GRIK1: variants seen among roughly 807,000 people sequenced by gnomAD.
GRIK1 encodes glutamate ionotropic receptor kainate type subunit 1, also known as glutamate receptor ionotropic, kainate 1.
In GRIK1, 69 loss-of-function variants were observed where a neutral mutation model predicts 105.7. The observed-to-expected ratio is 0.65, with a 90% CI of 0.54 to 0.80. GRIK1 has a LOEUF of 0.80. Among genes scored for constraint, GRIK1 ranks in the 30% least tolerant of loss-of-function variants. The pLI is 0.00. For missense variants in GRIK1, 1,109 were observed against 1,167.3 expected, an observed-to-expected ratio of 0.95 and a Z score of 0.73; for synonymous variants, 438 against 431.3, an observed-to-expected ratio of 1.02 and a Z score of -0.19.
chr21:29,883,249 T>C (rs1285318258), intron 1 of GRIK1, among the ~76,000 whole-genome samples: 1 of 152,152 alleles, frequency 6.6e-6, no homozygotes, highest in Non-Finnish European at 1.5e-5. Flanking sequence ...AGCAACCATT[T>C]AAATTTACTT....
chr21:29,919,500 C>T (rs79832012), intron 1 of GRIK1, among the ~76,000 whole-genome samples: 142 of 152,280 alleles, frequency 9.3e-4, no homozygotes, highest in African/African-American at 3.2e-3. Flanking sequence ...CACACACCTA[C>T]ATAACTTGTT....
chr21:29,777,083 T>C lies in GRIK1; in HGVS notation c.119-83020A>G, dbSNP rs1267798651. Among the ~76,000 whole-genome samples, 4 of 152,080 alleles carry C rather than the reference T, an allele frequency of 2.6e-5. No individual in the cohort carries two copies. The East Asian group carries it at 7.7e-4, about 29-fold the overall frequency. On this transcript the variant is annotated intron_variant, in intron 1 of 17. Coordinates refer to ENST00000327783, the MANE Select transcript of GRIK1 (RefSeq NM_001330994.2). The stretch of plus-strand genomic sequence containing the variant: ...ATATTGGGAAACTTAAAAACATAAG[T>C]AACAAGAATCCAATTCTCAGGCCCC...
At chr21:29,841,137 T>TAC (rs1416438759) in intron 1 of GRIK1, among the ~76,000 whole-genome samples, 1 of 152,168 alleles carries the variant, frequency 6.6e-6, no homozygotes, top group Non-Finnish European at 1.5e-5. Context: ...TTGTATAGTG[T>TAC]ACACACACAC....
chr21:29,618,415 C>T (rs148410381), intron 7 of GRIK1, among the ~76,000 whole-genome samples: 3,266 of 152,254 alleles, frequency 0.021, 55 homozygotes, highest in Non-Finnish European at 0.036. Context: ...CTGGTGGGAA[C>T]GTAAACTAGT....
At chr21:29,825,752 T>C (rs1275820376) in intron 1 of GRIK1, among the ~76,000 whole-genome samples, 1 of 152,076 alleles carries the variant, frequency 6.6e-6, no homozygotes, top group African/African-American at 2.4e-5. Flanking sequence ...CTTTGAGAAA[T>C]ATGTTTTCTA....
intron 13 of GRIK1, among the ~76,000 whole-genome samples, chr21:29,580,607 T>G (rs1353107692): frequency 1.3e-5 from 2 of 152,188 alleles, no homozygotes; most frequent in East Asian, 1.9e-4. Context: ...TATATCCCAG[T>G]GGAATTTTCC....
intron 8 of GRIK1, chr21:29,597,718 T>C (rs1266678073): frequency 2.4e-6 from 1 of 421,772 alleles, no homozygotes; most frequent in African/African-American, 2.1e-5. Context: ...ATGTATAATG[T>C]GTACTCTCAA....
intron 16 of GRIK1, among the ~76,000 whole-genome samples, chr21:29,544,121 C>G (rs1015268192): frequency 6.6e-6 from 1 of 152,154 alleles, no homozygotes; most frequent in African/African-American, 2.4e-5. Context: ...TAAATGAGCT[C>G]TTTAAACCAT....
At chr21:29,646,061 A>G (rs56168791) in intron 6 of GRIK1, among the ~76,000 whole-genome samples, 4,213 of 152,304 alleles carry the variant, frequency 0.028, 51 homozygotes, top group East Asian at 0.063. Context: ...GAATATCCCA[A>G]TAAGAGTGTC....
intron 1 of GRIK1, among the ~76,000 whole-genome samples, chr21:29,721,554 A>G (rs1265084725): frequency 6.6e-6 from 1 of 152,014 alleles, no homozygotes; most frequent in Non-Finnish European, 1.5e-5. Flanking sequence ...AAAGCAATCA[A>G]TGGACAATAG....
At chr21:29,748,068 G>T (rs1287300505) in intron 1 of GRIK1, 1 of 152,050 alleles carries the variant, frequency 6.6e-6, no homozygotes, top group Admixed American at 6.5e-5. Flanking sequence ...CACTGTGAAA[G>T]CAAGGTGTAT....
chr21:29,622,831 C>G (rs184914137), intron 7 of GRIK1, among the ~76,000 whole-genome samples: 154 of 152,296 alleles, frequency 1.0e-3, no homozygotes, highest in Non-Finnish European at 2.6e-4. Context: ...TCTAGGGAAA[C>G]TGACCTCTAC....
chr21:29,742,549 C>A (rs115162139), intron 1 of GRIK1, among the ~76,000 whole-genome samples: 1 of 152,194 alleles, frequency 6.6e-6, no homozygotes, highest in Non-Finnish European at 1.5e-5. Context: ...AACCTCACTG[C>A]GTGGTTCAGT....
intron 1 of GRIK1, among the ~76,000 whole-genome samples, chr21:29,700,925 G>T (rs1217862532): frequency 6.6e-6 from 1 of 152,024 alleles, no homozygotes; most frequent in Non-Finnish European, 1.5e-5. Context: ...GAAAATAATG[G>T]TTTTCTATCT....
intron 5 of GRIK1, among the ~76,000 whole-genome samples, 171 bp downstream of exon 5, chr21:29,654,639 G>A (rs536386811): frequency 0.025 from 3,060 of 122,402 alleles, 42 homozygotes; most frequent in African/African-American, 0.044. Context: ...GAGAAAGAAA[G>A]AAAGAAAAAA....
chr21:29,694,036 T>A lies in GRIK1; in HGVS notation c.146A>T (p.Glu49Val), dbSNP rs755843904. Reference protein sequence around the residue: ...IGGIFETVENEPVNVEELAFK... With the variant: ...IGGIFETVENVPVNVEELAFK... ...AGCTAATTCTTCAACATTAACAGGC[T>A]CATTTTCCACTGTTTCAAAAATCCC... The change falls in exon 2 of 18, where the codon GAG becomes GTG. Residue 49 changes from glutamate (E) to valine (V), a missense_variant. Glu to Val is a moderately radical substitution (Grantham distance 121). Coordinates refer to ENST00000327783, the MANE Select transcript of GRIK1 (RefSeq NM_001330994.2). The A allele has an allele frequency of 3.9e-5, 63 of 1,612,870 alleles. 1 individual carries two copies. Among genetic ancestry groups the A allele is most frequent in the Non-Finnish European group, 5.2e-5 (61 of 1,179,208 alleles).
chr21:29,888,897 T>C (rs1408756333), intron 1 of GRIK1, among the ~76,000 whole-genome samples: 1 of 149,282 alleles, frequency 6.7e-6, no homozygotes, highest in Non-Finnish European at 1.5e-5. Flanking sequence ...TGGCCTTCCA[T>C]CATGGAAAGG....
At chr21:29,598,489 C>T (rs953720951) in intron 8 of GRIK1, among the ~76,000 whole-genome samples, 1 of 152,176 alleles carries the variant, frequency 6.6e-6, no homozygotes, top group Non-Finnish European at 1.5e-5. Context: ...TTGATAGCTT[C>T]TGCTTTTCCA....
intron 4 of GRIK1, among the ~76,000 whole-genome samples, chr21:29,670,201 C>G (rs2063137196): frequency 1.3e-5 from 2 of 152,156 alleles, no homozygotes; most frequent in Admixed American, 1.3e-4. Flanking sequence ...TAAGCCATCT[C>G]TTTAGTGTCT....
Sources: gnomAD v4.1 joint callset for allele counts (sites outside exome capture counted in the v4.1 genomes callset) on GRCh38, gnomAD v4.1.1 for gene constraint, MANE v1.5 for transcripts, NCBI Gene and HGNC (gene_info 2026-07-23, HGNC 2026-07-21) for gene names.